Variants in EMC8 observed in about 807,000 individuals in gnomAD.
The protein encoded by EMC8 is COX4 neighbor.
EMC8 carries 11 observed loss-of-function variants against 24.3 expected under a neutral mutation model. The ratio of observed to expected loss-of-function variants is 0.45; its 90% confidence interval spans 0.28 to 0.75. EMC8 has a LOEUF of 0.75. Ranked by LOEUF, EMC8 falls within the 30% of genes least tolerant of loss-of-function variation. EMC8 has a pLI of 0.12. For synonymous variants in EMC8, 145 were observed against 117.7 expected (o/e 1.23, Z -1.50); for missense variants, 277 against 282.7 (o/e 0.98, Z 0.14).
rs565440696 is a variant in EMC8 at position 85,798,466 on chromosome 16, A to G, written c.231+599T>C. On this transcript the variant is annotated intron_variant, in intron 1 of 4. Coordinates refer to ENST00000253457, the MANE Select transcript of EMC8 (RefSeq NM_006067.5). Reference sequence around the variant, plus strand: ...TTTAAAAGCCATGGAAACATTCTAGATAAGTTGTTAACCATTAACGGGAAC... The same window carrying G: ...TTTAAAAGCCATGGAAACATTCTAGGTAAGTTGTTAACCATTAACGGGAAC... Among the ~76,000 whole-genome samples the G allele has an allele frequency of 2.6e-5, 4 of 152,288 alleles. No individual in the cohort carries two copies. The South Asian group carries it at 6.2e-4, about 24-fold the overall frequency.
intron 1 of EMC8, among the ~76,000 whole-genome samples, chr16:85,797,028 C>T (rs769116937): frequency 3.3e-5 from 5 of 152,196 alleles, no homozygotes; most frequent in Admixed American, 6.5e-5. Context: ...TGAATAATCC[C>T]GCATAAATGC....
intron 1 of EMC8, 39 bp from the exon 2 acceptor site, chr16:85,789,089 C>T: frequency 7.4e-7 from 1 of 1,348,886 alleles, no homozygotes; most frequent in Non-Finnish European, 1.1e-6. Flanking sequence ...ATGAATGACT[C>T]TCCCTTAAAT....
intron 1 of EMC8, among the ~76,000 whole-genome samples, chr16:85,791,349 T>C (rs546470134): frequency 5.9e-5 from 9 of 152,350 alleles, no homozygotes; most frequent in African/African-American, 2.2e-4. Flanking sequence ...ATGTGCAGAA[T>C]ATGCAGGTTT....
intron 1 of EMC8, among the ~76,000 whole-genome samples, chr16:85,791,701 C>T (rs917555939): frequency 3.9e-5 from 6 of 152,204 alleles, no homozygotes; most frequent in African/African-American, 1.4e-4. Context: ...CTTTTCCTTG[C>T]CTTTTCCAGC....
At position 85,779,846 on chromosome 16, in the gene EMC8, T is replaced by C. The variant is rs898897233; in HGVS notation, c.495A>G (p.Pro165=). 1.9e-6 allele frequency: 3 copies of C among 1,614,066 alleles called. No homozygotes were observed. The highest frequency in any genetic ancestry group is 1.3e-5 in the African/African-American group (1 of 74,930). The change falls in exon 5 of 5, where the codon CCA becomes CCG. Residue 165 remains proline (P), a synonymous_variant. Coordinates refer to ENST00000253457, the MANE Select transcript of EMC8 (RefSeq NM_006067.5). ...DPHHDYCEDW[P]EAQRISASLL... is the part of the protein sequence containing the mutation. Reference sequence around the variant, plus strand: ...GCGAGGCTGAGATCCTCTGTGCCTCTGGCCAGTCTTCACAGTAGTCACTAC... The same window carrying C: ...GCGAGGCTGAGATCCTCTGTGCCTCCGGCCAGTCTTCACAGTAGTCACTAC...
At chr16:85,789,209 A>C (rs1904893585) in intron 1 of EMC8, among the ~76,000 whole-genome samples, 159 bp from the exon 2 acceptor site, 1 of 152,170 alleles carries the variant, frequency 6.6e-6, no homozygotes, top group Non-Finnish European at 1.5e-5. Flanking sequence ...CTCAGGAAAA[A>C]ATGGTCAGGA....
In EMC8 at chr16:85,799,006, C is replaced by T. The variant is rs1030717669; in HGVS notation, c.231+59G>A. 93 of 1,245,740 alleles carry T rather than the reference C, an allele frequency of 7.5e-5. No homozygotes were observed. The highest frequency in any genetic ancestry group is 7.2e-5 in the Non-Finnish European group (64 of 891,822). 77.2% of individuals were successfully genotyped at this position (1,245,740 alleles called of 1,614,324 possible). The stretch of plus-strand genomic sequence containing the variant: ...GGCGACCGCTGGGCCAGCTTCCTCT[C>T]TGCTGACTGAGGGGAGGCCAGGCTG... On this transcript the variant is annotated intron_variant, in intron 1 of 4. Coordinates refer to ENST00000253457, the MANE Select transcript of EMC8 (RefSeq NM_006067.5). This position sits in a 1 kb window ranked among gnomAD's most constrained non-coding sequence, Gnocchi z 4.2.
chr16:85,798,176 C>T (rs190230276), intron 1 of EMC8, among the ~76,000 whole-genome samples: 2 of 124,160 alleles, frequency 1.6e-5, no homozygotes, highest in East Asian at 2.4e-4. Context: ...GGCTGGAGTG[C>T]AGTGGCGTGA....
chr16:85,799,225 C>T lies in EMC8; in HGVS notation c.71G>A (p.Cys24Tyr), dbSNP rs755317854. The T allele has an allele frequency of 1.9e-6, 3 of 1,613,294 alleles. No homozygotes were observed. Among genetic ancestry groups the T allele is most frequent in the Admixed American group, 1.7e-5 (1 of 60,000 alleles). The change falls in exon 1 of 5, where the codon TGC becomes TAC. Residue 24 changes from cysteine to tyrosine, a missense_variant. Transcript: ENST00000253457. The surrounding 1 kb of genome is among the most constrained non-coding windows in gnomAD (Gnocchi z 4.2). ...MVLHGAKYPH[C>Y]AVNGLLVAEK... is the part of the protein sequence containing the mutation. ...GGCCACCAGGAGCCCGTTGACGGCG[C>T]AGTGCGGGTACTTGGCGCCGTGCAG...
rs764584904 is a variant in EMC8 at position 85,780,471 on chromosome 16, T to C, written c.381A>G (p.Val127=). 4.3e-6 allele frequency: 7 copies of C among 1,612,532 alleles called. No individual in the cohort carries two copies. The South Asian group carries it at 7.7e-5, about 18-fold the overall frequency. The change falls in exon 4 of 5, where the codon GTA becomes GTG. Residue 127 remains valine, a splice_region_variant and synonymous_variant. Coordinates refer to ENST00000253457, the MANE Select transcript of EMC8 (RefSeq NM_006067.5). ...EGFSDTALIM[V]DNTKFTMDCV... ...AGTCCATCGTAAACTTGGTGTTGTC[T>C]ACCTGAGCACAAGGCAAAGGACACG... is the stretch of plus-strand genomic sequence containing the variant.
intron 1 of EMC8, among the ~76,000 whole-genome samples, chr16:85,794,548 G>A (rs1414479103): frequency 1.3e-5 from 2 of 152,162 alleles, no homozygotes; most frequent in Admixed American, 1.3e-4. Context: ...AATCAGCCGT[G>A]CGTGGCGGTG....
intron 1 of EMC8, among the ~76,000 whole-genome samples, chr16:85,789,847 C>A (rs1022696622): frequency 3.3e-5 from 5 of 151,910 alleles, no homozygotes; most frequent in African/African-American, 9.7e-5. Flanking sequence ...ATTCTAAGCA[C>A]CGCATCATGA....
chr16:85,793,778 A>G (rs914204015), intron 1 of EMC8, among the ~76,000 whole-genome samples: 7 of 152,218 alleles, frequency 4.6e-5, no homozygotes, highest in African/African-American at 1.7e-4. Context: ...AAAGGGCAGA[A>G]AGGGATTAGA....
intron 1 of EMC8, among the ~76,000 whole-genome samples, chr16:85,795,752 A>G (rs1905222484): frequency 6.6e-6 from 1 of 152,200 alleles, no homozygotes; most frequent in Non-Finnish European, 1.5e-5. Context: ...GAGTTGCTCC[A>G]GCAAATTAAT....
intron 1 of EMC8, chr16:85,792,895 G>A (rs1408273586): frequency 6.6e-6 from 1 of 152,180 alleles, no homozygotes; most frequent in Admixed American, 6.5e-5. Flanking sequence ...TGCATCTTGT[G>A]AAAAATCAAG....
At position 85,779,950 on chromosome 16, in the gene EMC8, A is replaced by G. The variant is rs964113115; in HGVS notation, c.474-83T>C. 9 of 1,143,468 alleles carry G rather than the reference A, an allele frequency of 7.9e-6. No homozygotes were observed. In the African/African-American group the frequency reaches 9.1e-5, roughly 12 times the overall value. 70.8% of individuals were successfully genotyped at this position (1,143,468 alleles called of 1,614,324 possible). A position where few individuals can be genotyped will look rare whatever the true frequency, so the allele number is the denominator to read the frequency against. ...AGCATCAAGAGAGAAGGCCAGCCACATGCACAGTGGTATGAACAGAGATGG... is the reference window on the plus strand; with the variant it reads ...AGCATCAAGAGAGAAGGCCAGCCACGTGCACAGTGGTATGAACAGAGATGG... On this transcript the variant is annotated intron_variant, in intron 4 of 4. Coordinates refer to ENST00000253457, the MANE Select transcript of EMC8 (RefSeq NM_006067.5).
chr16:85,798,114 G>GTTTTT (rs1163747067), intron 1 of EMC8, among the ~76,000 whole-genome samples: 41 of 72,176 alleles, frequency 5.7e-4, no homozygotes, highest in East Asian at 2.1e-3. Context: ...ACAGAAATTC[G>GTTTTT]TTTTTTTTTT....
At chr16:85,789,110 A>G in intron 1 of EMC8, 60 bp from the exon 2 acceptor site, 2 of 1,103,104 alleles carry the variant, frequency 1.8e-6, no homozygotes, top group Non-Finnish European at 2.8e-6. Context: ...ATCAAGTCGT[A>G]AAAACCACAG....
At chr16:85,794,957 C>T (rs1272645713) in intron 1 of EMC8, among the ~76,000 whole-genome samples, 2 of 152,176 alleles carry the variant, frequency 1.3e-5, no homozygotes, top group Non-Finnish European at 1.5e-5. Context: ...GGGCATCTTT[C>T]CTCCCTGGTA....
Sources: gnomAD v4.1 joint callset for allele counts (sites outside exome capture counted in the v4.1 genomes callset) on GRCh38, gnomAD v4.1.1 for gene constraint, Gnocchi (gnomAD v3.1) non-coding constraint, MANE v1.5 for transcripts, NCBI Gene and HGNC (gene_info 2026-07-23, HGNC 2026-07-21) for gene names.